PDE8A: variants seen among roughly 807,000 people sequenced by gnomAD.
The protein encoded by PDE8A is high affinity cAMP-specific and IBMX-insensitive 3',5'-cyclic phosphodiesterase 8A.
In PDE8A, 59 loss-of-function variants were observed where a neutral mutation model predicts 105.0. The ratio of observed to expected loss-of-function variants is 0.56; its 90% CI spans 0.46 to 0.70. The LOEUF is 0.70. PDE8A is among the 30% of genes least tolerant of loss of function. The pLI, the probability that PDE8A is intolerant of heterozygous loss-of-function variation, is 0.00. For missense variants in PDE8A, 1,014 were observed against 1,045.9 expected, an observed-to-expected ratio of 0.97 and a Z score of 0.42; for synonymous variants, 355 against 371.9, an observed-to-expected ratio of 0.95 and a Z score of 0.52.
rs1567284867 is a variant in PDE8A at position 85,100,000 on chromosome 15, G to A, written c.942-15G>A. ...AGACTCAGAAGAGAAATAATGCATT[G>A]TTTTTTACTTGCAGAAAAATTAGAC... On this transcript the variant is annotated splice_polypyrimidine_tract_variant and intron_variant, in intron 9 of 21. Transcript: ENST00000394553. The A allele has an allele frequency of 6.3e-7, 1 of 1,598,700 alleles. No homozygotes were observed. The highest frequency in any genetic ancestry group is 8.5e-7 in the Non-Finnish European group (1 of 1,170,288).
At chr15:85,072,192 C>G (rs1220444954) in intron 3 of PDE8A, among the ~76,000 whole-genome samples, 1 of 152,160 alleles carries the variant, frequency 6.6e-6, no homozygotes, top group Non-Finnish European at 1.5e-5. Context: ...GAAACTCATT[C>G]CACATGGCAG....
rs141008655 is a variant in PDE8A at position 85,046,156 on chromosome 15, C to T, written c.187-18214C>T. 2.7e-5 allele frequency among the ~76,000 whole-genome samples: 4 copies of T among 150,542 alleles called. No individual in the cohort carries two copies. The East Asian group carries it at 7.8e-4, about 29-fold the overall frequency. ...TGTCTCAGCTCAGTGCAATCTCTGC[C>T]TCCCAGGTTCAATCCCTCCTGAGTA... On this transcript the variant is annotated intron_variant, in intron 1 of 21. Transcript: ENST00000394553.
At chr15:85,021,763 G>C (rs953968391) in intron 1 of PDE8A, among the ~76,000 whole-genome samples, 2 of 152,132 alleles carry the variant, frequency 1.3e-5, no homozygotes, top group Non-Finnish European at 2.9e-5. Flanking sequence ...TTTTTGAAGA[G>C]TACGGAACAG....
chr15:84,983,288 G>A (rs1192651608), intron 1 of PDE8A, among the ~76,000 whole-genome samples: 3 of 152,198 alleles, frequency 2.0e-5, no homozygotes, highest in African/African-American at 7.2e-5. Flanking sequence ...AACAAAATTC[G>A]TGCATGGCTG....
chr15:85,119,156 T>G (rs1463794983), intron 17 of PDE8A, among the ~76,000 whole-genome samples: 9 of 152,062 alleles, frequency 5.9e-5, no homozygotes, highest in Non-Finnish European at 1.0e-4. Context: ...CAAATATATA[T>G]TTAGAGAGCT....
At chr15:85,030,704 CTT>C (rs10596049) in intron 1 of PDE8A, among the ~76,000 whole-genome samples, 82,423 of 151,716 alleles carry the variant, frequency 0.54, 22,407 homozygotes, top group East Asian at 0.56. Context: ...ACTTCCATGC[CTT>C]TTTGCACATA....
At position 85,126,272 on chromosome 15, in the gene PDE8A, C is replaced by G. The variant is rs1432763811; in HGVS notation, c.2151C>G (p.Ile717Met). Residue 717 changes from isoleucine to methionine, a missense_variant, in exon 20 of 22, where the codon ATC (isoleucine) becomes ATG (methionine). Transcript: ENST00000394553. ...GGACTCCAGAGAACCGGACCCTAATCAAACGAATGCTGATTAAATGTGCTG... is the reference window on the plus strand; with the variant it reads ...GGACTCCAGAGAACCGGACCCTAATGAAACGAATGCTGATTAAATGTGCTG... ...MLRTPENRTL[I>M]KRMLIKCADV... 6.2e-7 allele frequency: 1 copy of G among 1,613,214 alleles called. No individual in the cohort carries two copies. Among genetic ancestry groups the G allele is most frequent in the Admixed American group, 1.7e-5 (1 of 59,936 alleles).
chr15:85,005,235 C>T (rs2080127528), intron 1 of PDE8A, among the ~76,000 whole-genome samples: 1 of 152,132 alleles, frequency 6.6e-6, no homozygotes. Flanking sequence ...TCACCTCAGC[C>T]CCCTGAGTAG....
At chr15:85,045,647 C>T (rs1032030632) in intron 1 of PDE8A, among the ~76,000 whole-genome samples, 4 of 152,198 alleles carry the variant, frequency 2.6e-5, no homozygotes, top group Admixed American at 6.5e-5. Flanking sequence ...TTTTCCTCTC[C>T]TGCTACCCAA....
intron 11 of PDE8A, among the ~76,000 whole-genome samples, chr15:85,102,257 G>A (rs1025039990): frequency 1.3e-5 from 2 of 152,168 alleles, no homozygotes; most frequent in South Asian, 2.1e-4. Context: ...AGCTGAAGGC[G>A]GGGAGAACGG....
At chr15:85,002,441 T>C (rs2080082105) in intron 1 of PDE8A, among the ~76,000 whole-genome samples, 1 of 152,240 alleles carries the variant, frequency 6.6e-6, no homozygotes, top group Non-Finnish European at 1.5e-5. Flanking sequence ...CTTCAGTGCC[T>C]GTAGAGTTGG....
chr15:85,007,477 G>C (rs1215570802), intron 1 of PDE8A, among the ~76,000 whole-genome samples: 1 of 151,078 alleles, frequency 6.6e-6, no homozygotes, highest in East Asian at 1.9e-4. Flanking sequence ...CGTTCAGTTT[G>C]CAAAAATAAA....
At chr15:84,988,629 C>T (rs1421726191) in intron 1 of PDE8A, among the ~76,000 whole-genome samples, 1 of 152,212 alleles carries the variant, frequency 6.6e-6, no homozygotes, top group East Asian at 1.9e-4. Flanking sequence ...TTTCCATTGC[C>T]CTTTGCCTAG....
intron 9 of PDE8A, among the ~76,000 whole-genome samples, chr15:85,098,898 A>C (rs2081806635): frequency 6.6e-6 from 1 of 152,122 alleles, no homozygotes. Context: ...TCGAGGCTGC[A>C]GTGAGCTATG....
At chr15:85,055,395 A>G (rs1277389593) in intron 1 of PDE8A, among the ~76,000 whole-genome samples, 2 of 152,086 alleles carry the variant, frequency 1.3e-5, no homozygotes, top group African/African-American at 4.8e-5. Context: ...GATCTGTCTA[A>G]TGTTGACAGT....
chr15:85,090,352 G>A (rs1036942101), intron 7 of PDE8A, among the ~76,000 whole-genome samples: 1 of 152,172 alleles, frequency 6.6e-6, no homozygotes, highest in South Asian at 2.1e-4. Flanking sequence ...TTACTATAGT[G>A]CCCAGTGAGG....
intron 1 of PDE8A, among the ~76,000 whole-genome samples, chr15:85,014,173 C>T (rs896114667): frequency 1.3e-5 from 2 of 151,766 alleles, no homozygotes; most frequent in African/African-American, 4.8e-5. Flanking sequence ...GGGTCTTGCT[C>T]TGTCCCCCAG....
intron 1 of PDE8A, among the ~76,000 whole-genome samples, chr15:85,025,470 G>A (rs959632863): frequency 3.9e-5 from 6 of 152,016 alleles, no homozygotes; most frequent in Non-Finnish European, 4.4e-5. Flanking sequence ...TGTTATTATC[G>A]TAACTAGTGA....
At chr15:85,081,815 GT>G (rs968741949) in intron 5 of PDE8A, among the ~76,000 whole-genome samples, 3 of 152,050 alleles carry the variant, frequency 2.0e-5, no homozygotes, top group African/African-American at 7.2e-5. Context: ...TCACATGCTA[GT>G]TTTTTTTACC....
Sources: allele counts gnomAD v4.1 joint callset (sites outside exome capture counted in the v4.1 genomes callset), GRCh38; gene constraint gnomAD v4.1.1; transcripts MANE v1.5; gene names NCBI Gene and HGNC (gene_info 2026-07-23, HGNC 2026-07-21).